PTPRN2: variants seen among roughly 807,000 people sequenced by gnomAD.
The protein encoded by PTPRN2 is protein tyrosine phosphatase receptor type N2.
A neutral mutation model predicts 118.8 loss-of-function variants in PTPRN2; 74 were observed. The ratio of observed to expected loss-of-function variants is 0.62; its 90% CI spans 0.52 to 0.76. PTPRN2 has a LOEUF of 0.76. PTPRN2 is among the 30% of genes least tolerant of loss of function. The pLI is 0.00. For missense variants in PTPRN2, 1,481 were observed against 1,394.4 expected (o/e 1.06, Z -0.99); for synonymous variants, 641 against 608.0 (o/e 1.05, Z -0.80).
At chr7:157,742,532 G>A (rs912888632) in intron 12 of PTPRN2, among the ~76,000 whole-genome samples, 1 of 150,676 alleles carries the variant, frequency 6.6e-6, no homozygotes, top group African/African-American at 2.4e-5. Flanking sequence ...GCTGATTGCT[G>A]GAGTAAACGA....
chr7:157,760,805 T>C (rs184647130), intron 12 of PTPRN2, among the ~76,000 whole-genome samples: 1 of 152,340 alleles, frequency 6.6e-6, no homozygotes, highest in East Asian at 1.9e-4. Context: ...TAAGGAGATT[T>C]TGGGCTGAGA....
chr7:157,910,591 AC>A (rs1478911433), intron 11 of PTPRN2, among the ~76,000 whole-genome samples: 1 of 152,228 alleles, frequency 6.6e-6, no homozygotes, highest in Admixed American at 6.5e-5. Flanking sequence ...CAGCTGGCGG[AC>A]GCTTCCTCTT....
At chr7:158,431,470 A>T (rs116361291) in intron 2 of PTPRN2, among the ~76,000 whole-genome samples, 116 of 4,314 alleles carry the variant, frequency 0.027, 9 homozygotes, top group African/African-American at 0.092. Flanking sequence ...CACACTGGGC[A>T]CATACTGGGC....
chr7:157,620,940 C>T lies in PTPRN2; in HGVS notation c.2344+422G>A, dbSNP rs961734400. 2.0e-5 allele frequency among the ~76,000 whole-genome samples: 3 copies of T among 147,946 alleles called. No homozygotes were observed. The East Asian group carries it at 5.8e-4, about 29-fold the overall frequency. ...ATGGCCAGTTTCCCCCGCCTGTAAC[C>T]CAGGCCTCCTGCCCCCGGGACTGGT... On this transcript the variant is annotated intron_variant, in intron 15 of 22. Coordinates refer to ENST00000389418, the MANE Select transcript of PTPRN2 (RefSeq NM_002847.5).
intron 17 of PTPRN2, among the ~76,000 whole-genome samples, chr7:157,582,318 G>T (rs1394707615): frequency 1.3e-5 from 2 of 152,104 alleles, no homozygotes; most frequent in Non-Finnish European, 2.9e-5. Flanking sequence ...AAAAACAAAT[G>T]ACCCAACTAA....
chr7:158,271,027 G>A (rs866143343), intron 3 of PTPRN2, among the ~76,000 whole-genome samples: 11 of 58,326 alleles, frequency 1.9e-4, no homozygotes, highest in African/African-American at 3.3e-4. Flanking sequence ...CCACCTGGAC[G>A]GCCCCCTCCA....
At chr7:157,895,370 AG>A (rs372105390) in intron 12 of PTPRN2, among the ~76,000 whole-genome samples, 9 of 151,828 alleles carry the variant, frequency 5.9e-5, no homozygotes, top group African/African-American at 2.2e-4. Flanking sequence ...AATAAGCCAG[AG>A]GGTCTGAACG....
In PTPRN2 at chr7:158,369,632, G is replaced by A. The variant is rs183251477; in HGVS notation, c.164-52700C>T. On this transcript the variant is annotated intron_variant, in intron 2 of 22. Coordinates refer to ENST00000389418, the MANE Select transcript of PTPRN2 (RefSeq NM_002847.5). ...TATCAGCCCTGATTACACATTTCCC[G>A]TTATAAGGATAAAAACGTGAAAACA... is the stretch of plus-strand genomic sequence containing the variant. 6.6e-5 allele frequency among the ~76,000 whole-genome samples: 10 copies of A among 152,256 alleles called. No individual in the cohort carries two copies. In the East Asian group the frequency reaches 9.6e-4, roughly 15 times the overall value.
At chr7:157,824,854 C>T (rs1807069488) in intron 12 of PTPRN2, among the ~76,000 whole-genome samples, 1 of 152,214 alleles carries the variant, frequency 6.6e-6, no homozygotes, top group South Asian at 2.1e-4. Flanking sequence ...CTCGCCTTGG[C>T]TGGAGCAGAT....
At chr7:157,570,637 A>C (rs1799711253) in intron 20 of PTPRN2, among the ~76,000 whole-genome samples, 1 of 152,202 alleles carries the variant, frequency 6.6e-6, no homozygotes, top group Non-Finnish European at 1.5e-5. Context: ...GTGTGGTTTT[A>C]ACGTACTTAG....
At chr7:158,071,034 T>A (rs868649891) in intron 11 of PTPRN2, among the ~76,000 whole-genome samples, 3 of 39,630 alleles carry the variant, frequency 7.6e-5, no homozygotes, top group Non-Finnish European at 1.3e-4. Flanking sequence ...GGAGGTGCTC[T>A]TAGTATGGAG....
In PTPRN2 at chr7:157,728,930, A is replaced by G. The variant is rs572858859; in HGVS notation, c.1789-45993T>C. Reference sequence around the variant, plus strand: ...ACCACCTTAATCAGCTCTCCTCATAAATGTCCCAAGGAGACCAGGAAACAG... The same window carrying G: ...ACCACCTTAATCAGCTCTCCTCATAGATGTCCCAAGGAGACCAGGAAACAG... On this transcript the variant is annotated intron_variant, in intron 12 of 22. Transcript: ENST00000389418. Among the ~76,000 whole-genome samples, 11 of 152,128 alleles carry G rather than the reference A, an allele frequency of 7.2e-5. No individual in the cohort carries two copies. The East Asian group carries it at 2.1e-3, about 30-fold the overall frequency.
intron 2 of PTPRN2, among the ~76,000 whole-genome samples, chr7:158,487,532 T>C (rs1326909401): frequency 6.6e-6 from 1 of 152,204 alleles, no homozygotes; most frequent in East Asian, 1.9e-4. Flanking sequence ...TGTTGGGCTT[T>C]TAAAAAACAT....
intron 3 of PTPRN2, among the ~76,000 whole-genome samples, chr7:158,262,452 C>T (rs58783144): frequency 0.24 from 35,391 of 148,354 alleles, 4,434 homozygotes; most frequent in Middle Eastern, 0.33. Context: ...ACACTGCACA[C>T]GCAGATTCAC....
intron 1 of PTPRN2, among the ~76,000 whole-genome samples, chr7:158,492,041 C>A (rs866296724): frequency 6.6e-6 from 1 of 152,160 alleles, no homozygotes. Context: ...CCTCTCAGAT[C>A]CTCACGCAGT....
chr7:158,099,853 A>C (rs1165392477), intron 10 of PTPRN2, among the ~76,000 whole-genome samples: 2 of 79,616 alleles, frequency 2.5e-5, no homozygotes, highest in African/African-American at 5.3e-5. Flanking sequence ...CCCCCATCCC[A>C]TCAGTGGTCA....
At chr7:158,406,266 T>G (rs1355639239) in intron 2 of PTPRN2, among the ~76,000 whole-genome samples, 26 of 107,864 alleles carry the variant, frequency 2.4e-4, no homozygotes, top group Non-Finnish European at 3.9e-4. Context: ...CGTGAGACAT[T>G]TGGCTGCACA....
At chr7:158,150,815 C>G (rs1035449523) in intron 6 of PTPRN2, among the ~76,000 whole-genome samples, 1 of 151,978 alleles carries the variant, frequency 6.6e-6, no homozygotes, top group Non-Finnish European at 1.5e-5. Context: ...GTCCTGTGAA[C>G]TCTCCCATGA....
At position 157,765,141 on chromosome 7, in the gene PTPRN2, T is replaced by C. The variant is rs1387361597; in HGVS notation, c.1789-82204A>G. Among the ~76,000 whole-genome samples the C allele has an allele frequency of 7.6e-4, 114 of 149,726 alleles. 1 individual carries two copies. Among genetic ancestry groups the C allele is most frequent in the African/African-American group, 2.7e-3 (109 of 40,580 alleles). On this transcript the variant is annotated intron_variant, in intron 12 of 22. Coordinates refer to ENST00000389418, the MANE Select transcript of PTPRN2 (RefSeq NM_002847.5). The stretch of plus-strand genomic sequence containing the variant: ...CCATCCACTCACTCCCCATCCATCC[T>C]TCATCCATCCATCCATCCTTCTTTT...
Sources: allele counts gnomAD v4.1 joint callset (sites outside exome capture counted in the v4.1 genomes callset), GRCh38; gene constraint gnomAD v4.1.1; transcripts MANE v1.5; gene names NCBI Gene and HGNC (gene_info 2026-07-23, HGNC 2026-07-21).